Variants in SNX24 observed in about 807,000 individuals in gnomAD.
The protein encoded by SNX24 is sorting nexin-24.
A neutral mutation model predicts 28.7 loss-of-function variants in SNX24; 22 were observed. The observed-to-expected ratio is 0.77, with a 90% confidence interval of 0.55 to 1.10. The LOEUF (loss-of-function observed/expected upper bound fraction) is 1.10. Ranked by LOEUF, SNX24 falls within the 50% of genes least tolerant of loss-of-function variation. The pLI, the probability that SNX24 is intolerant of heterozygous loss-of-function variation, is 0.00. For synonymous variants in SNX24, 69 were observed against 71.5 expected, an observed-to-expected ratio of 0.96 and a Z score of 0.18; for missense variants, 221 against 201.1, an observed-to-expected ratio of 1.10 and a Z score of -0.60.
chr5:122,874,744 G>A (rs959517056), intron 1 of SNX24, among the ~76,000 whole-genome samples: 4 of 152,168 alleles, frequency 2.6e-5, no homozygotes, highest in African/African-American at 9.7e-5. Context: ...AGTGAACTCT[G>A]GAGTTGAGGA....
intron 4 of SNX24, among the ~76,000 whole-genome samples, chr5:123,000,789 A>G (rs1381529600): frequency 6.6e-6 from 1 of 152,196 alleles, no homozygotes; most frequent in East Asian, 1.9e-4. Context: ...AGGGGAAAAA[A>G]TCATCACAAA....
chr5:122,976,868 C>G (rs1232937018), intron 3 of SNX24, among the ~76,000 whole-genome samples: 1 of 152,226 alleles, frequency 6.6e-6, no homozygotes, highest in Admixed American at 6.5e-5. Context: ...GAGAGCATGG[C>G]AGCGGTTTGT....
chr5:122,865,264 C>T (rs1439823241), intron 1 of SNX24, among the ~76,000 whole-genome samples: 1 of 152,216 alleles, frequency 6.6e-6, no homozygotes, highest in Non-Finnish European at 1.5e-5. Context: ...TTTCCTTAAA[C>T]CATACTTAAT....
chr5:122,912,186 G>A (rs868730725), intron 1 of SNX24, among the ~76,000 whole-genome samples: 52 of 135,364 alleles, frequency 3.8e-4, no homozygotes, highest in African/African-American at 6.5e-4. Flanking sequence ...GGTCCTTCAC[G>A]TCCCTTGTAA....
intron 3 of SNX24, among the ~76,000 whole-genome samples, chr5:122,968,061 A>G (rs1047727100): frequency 6.6e-6 from 1 of 152,232 alleles, no homozygotes; most frequent in African/African-American, 2.4e-5. Flanking sequence ...TGTTGCCAGA[A>G]TGAATGTGTG....
chr5:122,879,450 C>T (rs1756379186), intron 1 of SNX24, among the ~76,000 whole-genome samples: 1 of 152,170 alleles, frequency 6.6e-6, no homozygotes, highest in South Asian at 2.1e-4. Flanking sequence ...CTCTTGGTTT[C>T]AGCTCAGTTG....
intron 5 of SNX24, chr5:123,023,894 AC>A (rs1561746635): frequency 6.2e-7 from 1 of 1,613,606 alleles, no homozygotes; most frequent in African/African-American, 1.3e-5. Context: ...AGCGATCTCA[AC>A]CACAAAAGGC....
chr5:122,865,616 G>A (rs1366650734), intron 1 of SNX24, among the ~76,000 whole-genome samples: 2 of 152,226 alleles, frequency 1.3e-5, no homozygotes, highest in African/African-American at 4.8e-5. Flanking sequence ...TGGAATTACA[G>A]GCATGAGCCA....
intron 3 of SNX24, among the ~76,000 whole-genome samples, chr5:122,977,145 A>G (rs1402057763): frequency 2.6e-5 from 4 of 152,220 alleles, no homozygotes; most frequent in Non-Finnish European, 4.4e-5. Flanking sequence ...TGAAGTGAAG[A>G]AATGGGGTTG....
chr5:122,943,345 T>C (rs73799907), intron 2 of SNX24, among the ~76,000 whole-genome samples: 1,842 of 152,244 alleles, frequency 0.012, 31 homozygotes, highest in African/African-American at 0.042. Flanking sequence ...GTAGAACGCC[T>C]TAGAAGAGGA....
At chr5:122,952,485 T>TA (rs532247316) in intron 3 of SNX24, among the ~76,000 whole-genome samples, 2 of 152,264 alleles carry the variant, frequency 1.3e-5, no homozygotes, top group African/African-American at 4.8e-5. Context: ...GCTCCACTCA[T>TA]ACGGTTTGCA....
rs560992265 is a variant in SNX24, at chr5:122,850,347, A to G, written c.60+4654A>G. Among the ~76,000 whole-genome samples the G allele has an allele frequency of 8.5e-5, 13 of 152,294 alleles. 1 individual carries two copies. The East Asian group carries it at 2.3e-3, about 27-fold the overall frequency. On this transcript the variant is annotated intron_variant, in intron 1 of 6. Coordinates refer to ENST00000261369, the MANE Select transcript of SNX24 (RefSeq NM_014035.4). ...TTTTATAAGGTTACTAATCCCAGTT[A>G]TGAGGGCTCTGCCCATGACCTCATC...
chr5:123,028,849 C>T lies in SNX24; in HGVS notation n.384-389C>T, dbSNP rs201311163. On this transcript the variant is annotated intron_variant and non_coding_transcript_variant, in intron 5 of 5. Transcript: ENST00000502387. ...CTTGATGACACGATGAAACTTGCTTCCTTTATATCCATATCCTTTCTAAAG... is the reference window on the plus strand; with the variant it reads ...CTTGATGACACGATGAAACTTGCTTTCTTTATATCCATATCCTTTCTAAAG... 19 of 1,611,008 alleles carry T rather than the reference C, an allele frequency of 1.2e-5. No homozygotes were observed. In the East Asian group the frequency reaches 4.0e-4, roughly 34 times the overall value.
At chr5:122,894,437 AGT>A (rs1286200019) in intron 1 of SNX24, among the ~76,000 whole-genome samples, 9 of 151,826 alleles carry the variant, frequency 5.9e-5, no homozygotes, top group African/African-American at 1.9e-4. Flanking sequence ...TTTTTTGGTC[AGT>A]ATATCCTAAA....
intron 1 of SNX24, among the ~76,000 whole-genome samples, chr5:122,874,344 G>C (rs1756129446): frequency 6.6e-6 from 1 of 152,200 alleles, no homozygotes; most frequent in African/African-American, 2.4e-5. Context: ...ATGTTACTGG[G>C]CCTGCTTTCA....
intron 1 of SNX24, among the ~76,000 whole-genome samples, chr5:122,917,514 CCTT>C (rs145779330): frequency 0.04 from 6,041 of 152,218 alleles, 185 homozygotes; most frequent in East Asian, 0.099. Flanking sequence ...TCGCTTCTCT[CCTT>C]CTTCAGATTC....
intron 1 of SNX24, among the ~76,000 whole-genome samples, chr5:122,878,978 A>G (rs563178759): frequency 1.3e-5 from 2 of 152,164 alleles, no homozygotes; most frequent in East Asian, 3.9e-4. Context: ...TTAAAAATTA[A>G]AAAAAAGAAA....
At chr5:122,865,440 C>T (rs1435866524) in intron 1 of SNX24, among the ~76,000 whole-genome samples, 2 of 152,216 alleles carry the variant, frequency 1.3e-5, no homozygotes, top group Admixed American at 1.3e-4. Context: ...AAGTGATTCT[C>T]GTGCCTCAGC....
At chr5:122,874,060 A>G (rs969581591) in intron 1 of SNX24, among the ~76,000 whole-genome samples, 1 of 152,202 alleles carries the variant, frequency 6.6e-6, no homozygotes, top group Non-Finnish European at 1.5e-5. Flanking sequence ...GTGAGCCACC[A>G]TACCCAGCCA....
Sources: gnomAD v4.1 joint callset for allele counts (sites outside exome capture counted in the v4.1 genomes callset) on GRCh38, gnomAD v4.1.1 for gene constraint, MANE v1.5 for transcripts, NCBI Gene and HGNC (gene_info 2026-07-23, HGNC 2026-07-21) for gene names.